The following FREM1 variants were observed in gnomAD, a reference collection of about 807,000 sequenced individuals.
FREM1 encodes FRAS1 related extracellular matrix 1.
FREM1 carries 220 observed loss-of-function variants against 210.1 expected under a neutral mutation model. That is an observed-to-expected ratio of 1.05 (90% CI 0.94 to 1.17). The LOEUF (loss-of-function observed/expected upper bound fraction) is 1.17. Ranked by LOEUF, FREM1 falls within the 50% of genes most tolerant of loss-of-function variation. The pLI, the probability that FREM1 is intolerant of heterozygous loss-of-function variation, is 0.00. For synonymous variants in FREM1, 1,189 were observed against 980.2 expected (o/e 1.21, Z -3.98); for missense variants, 3,454 against 2,675.5 (o/e 1.29, Z -6.42).
At chr9:14,875,382 T>C (rs1833503388) in intron 1 of FREM1, among the ~76,000 whole-genome samples, 3 of 152,202 alleles carry the variant, frequency 2.0e-5, no homozygotes. Context: ...TTCCTTTTAT[T>C]CTTTTTTCTC....
chr9:14,741,578 C>T (rs374401002), intron 35 of FREM1, among the ~76,000 whole-genome samples: 125 of 152,252 alleles, frequency 8.2e-4, no homozygotes, highest in African/African-American at 2.7e-3. Flanking sequence ...ACATCCAACA[C>T]GCTCACTCTA....
chr9:14,801,539 C>T, intron 20 of FREM1, 113 bp downstream of exon 20: 1 of 737,470 alleles, frequency 1.4e-6, no homozygotes, highest in Non-Finnish European at 2.2e-6. Context: ...CTCTAGTAAC[C>T]ATCATTCTAC....
At chr9:14,806,194 T>C (rs1480769506) in intron 18 of FREM1, among the ~76,000 whole-genome samples, 1 of 152,142 alleles carries the variant, frequency 6.6e-6, no homozygotes, top group Non-Finnish European at 1.5e-5. Context: ...AATGGTAAGA[T>C]TCAAAAGCAT....
intron 1 of FREM1, among the ~76,000 whole-genome samples, chr9:14,896,484 G>T (rs140230705): frequency 0.011 from 1,611 of 147,760 alleles, 30 homozygotes; most frequent in African/African-American, 0.038. Context: ...GACAGAGGTT[G>T]CAGTTAGCTG....
chr9:14,862,420 T>C (rs905627165), intron 3 of FREM1, among the ~76,000 whole-genome samples: 1 of 152,222 alleles, frequency 6.6e-6, no homozygotes, highest in Non-Finnish European at 1.5e-5. Context: ...TATAAAGGCC[T>C]ACTCCACATA....
chr9:14,877,068 T>C lies in FREM1; in HGVS notation c.-267-7824A>G, dbSNP rs189914155. ...TCTCACTCTATCCCACTTTGTCTCC[T>C]TACCTGGTTCTTTCTAGACTCCCTG... On this transcript the variant is annotated intron_variant, in intron 1 of 36. Transcript: ENST00000380880. 7.9e-5 allele frequency among the ~76,000 whole-genome samples: 12 copies of C among 152,294 alleles called. No individual in the cohort carries two copies. In the East Asian group the frequency reaches 2.1e-3, roughly 27 times the overall value.
chr9:14,786,684 T>C (rs960689442), intron 23 of FREM1, among the ~76,000 whole-genome samples: 1 of 152,206 alleles, frequency 6.6e-6, no homozygotes, highest in Non-Finnish European at 1.5e-5. Context: ...ATGTCAATGG[T>C]GCCATGATTG....
chr9:14,844,960 A>G (rs1269758086), intron 8 of FREM1, among the ~76,000 whole-genome samples: 2 of 152,224 alleles, frequency 1.3e-5, no homozygotes, highest in African/African-American at 4.8e-5. Flanking sequence ...GTATACCCAG[A>G]TTTAAACTGG....
chr9:14,867,329 T>C (rs796334089), intron 2 of FREM1, among the ~76,000 whole-genome samples: 5 of 152,336 alleles, frequency 3.3e-5, no homozygotes, highest in East Asian at 1.9e-4. Context: ...ACATTCAGAA[T>C]GCAAGTATAA....
chr9:14,748,322 T>C, intron 31 of FREM1, 79 bp downstream of exon 31: 1 of 837,056 alleles, frequency 1.2e-6, no homozygotes, highest in Non-Finnish European at 1.9e-6. Flanking sequence ...TCTTCAGTGT[T>C]TCAGAATACT....
chr9:14,800,703 A>G (rs1468581671), intron 20 of FREM1, among the ~76,000 whole-genome samples: 1 of 152,162 alleles, frequency 6.6e-6, no homozygotes, highest in Non-Finnish European at 1.5e-5. Context: ...ATGGTAGTCT[A>G]AAAGTGAAAG....
At chr9:14,876,260 T>C (rs1236409721) in intron 1 of FREM1, among the ~76,000 whole-genome samples, 1 of 151,474 alleles carries the variant, frequency 6.6e-6, no homozygotes. Context: ...CTTTTTGTTT[T>C]TCTGTGCCCT....
In FREM1 at chr9:14,741,118, T is replaced by G. The variant is rs144407473; in HGVS notation, c.6255-884A>C. 1.5e-3 allele frequency among the ~76,000 whole-genome samples: 226 copies of G among 152,290 alleles called. 2 individuals are homozygous for G. The highest frequency in any genetic ancestry group is 2.6e-3 in the Non-Finnish European group (180 of 68,014). ...TAAAATTAAATTTTAAAAAATAATT[T>G]TAAACACTTAAAAAATCAAACAAGG... On this transcript the variant is annotated intron_variant, in intron 35 of 36. Coordinates refer to ENST00000380880, the MANE Select transcript of FREM1 (RefSeq NM_001379081.2).
Position 14,857,657 on chromosome 9 carries a change from G to A in FREM1, c.724C>T (p.Leu242=). The change falls in exon 5 of 37, where the codon CTG becomes TTG. Residue 242 remains leucine (L), a synonymous_variant. Transcript: ENST00000380880. The stretch of plus-strand genomic sequence containing the variant: ...AGATGCTGATAACGAAGGCCCATCA[G>A]CAGGAACTCCTCACAGCTCACTTTG... ...SLKVSCEEFL[L]MGLRYQHLDP... 6.2e-7 allele frequency: 1 copy of A among 1,613,750 alleles called. No individual in the cohort carries two copies. The highest frequency in any genetic ancestry group is 8.5e-7 in the Non-Finnish European group (1 of 1,179,680).
At chr9:14,851,748 C>G in intron 5 of FREM1, 141 bp from the exon 6 acceptor site, 1 of 727,924 alleles carries the variant, frequency 1.4e-6, no homozygotes, top group Non-Finnish European at 2.4e-6. Context: ...TTGGAATCAC[C>G]TGGGGAGCTT....
At chr9:14,908,931 T>C (rs576513161) in intron 1 of FREM1, among the ~76,000 whole-genome samples, 220 of 152,306 alleles carry the variant, frequency 1.4e-3, no homozygotes, top group Non-Finnish European at 2.3e-3. Flanking sequence ...AGAGCTGCAC[T>C]GAAGGCACCT....
At chr9:14,877,300 C>T (rs1833940555) in intron 1 of FREM1, among the ~76,000 whole-genome samples, 1 of 151,976 alleles carries the variant, frequency 6.6e-6, no homozygotes, top group African/African-American at 2.4e-5. Flanking sequence ...GTATAAAAGA[C>T]ATCTCACACT....
chr9:14,852,524 CAA>C (rs1588374266), intron 5 of FREM1, among the ~76,000 whole-genome samples: 1 of 151,918 alleles, frequency 6.6e-6, no homozygotes. Flanking sequence ...CCTATCTCTA[CAA>C]AAAAAGTAAA....
In FREM1 at chr9:14,740,159, G is replaced by C. The variant is rs372965314; in HGVS notation, c.6330C>G (p.Ser2110=). ...RWLWDIGGRK[S]FWIGLNDQVH... Reference sequence around the variant, plus strand: ...CTCCCAGATACTTGCCTATCCAAAAGGACTTTCTCCCACCAATGTCCCAGA... The same window carrying C: ...CTCCCAGATACTTGCCTATCCAAAACGACTTTCTCCCACCAATGTCCCAGA... Residue 2110 remains serine, a synonymous_variant, in exon 36 of 37, where the codon TCC becomes TCG. Coordinates refer to ENST00000380880, the MANE Select transcript of FREM1 (RefSeq NM_001379081.2). The C allele has an allele frequency of 3.1e-6, 5 of 1,611,754 alleles. No homozygotes were observed. In the African/African-American group the frequency reaches 5.3e-5, roughly 17 times the overall value.
Sources: allele counts gnomAD v4.1 joint callset (sites outside exome capture counted in the v4.1 genomes callset), GRCh38; gene constraint gnomAD v4.1.1; transcripts MANE v1.5; gene names NCBI Gene and HGNC (gene_info 2026-07-23, HGNC 2026-07-21).